ENOX1: variants seen among roughly 807,000 people sequenced by gnomAD.
The protein encoded by ENOX1 is candidate growth-related and time keeping constitutive hydroquinone (NADH) oxidase.
ENOX1 carries 42 observed loss-of-function variants against 82.5 expected under a neutral mutation model. That is an observed-to-expected ratio of 0.51 (90% CI 0.40 to 0.66). The LOEUF (loss-of-function observed/expected upper bound fraction) is 0.66, where lower values mean the gene tolerates loss of function less well. Among genes scored for constraint, ENOX1 ranks in the 30% least tolerant of loss-of-function variants. The probability of loss-of-function intolerance (pLI) is 0.00; values close to 1 mark genes in which losing one functional copy is unlikely to be tolerated. For synonymous variants in ENOX1, 271 were observed against 282.2 expected, an observed-to-expected ratio of 0.96 and a Z score of 0.40; for missense variants, 608 against 811.6, an observed-to-expected ratio of 0.75 and a Z score of 3.05.
intron 5 of ENOX1, among the ~76,000 whole-genome samples, chr13:43,395,834 G>C (rs1287643207): frequency 6.6e-6 from 1 of 152,184 alleles, no homozygotes; most frequent in Admixed American, 6.5e-5. Flanking sequence ...ATGGGCTCAG[G>C]AATAGCAAGA....
In ENOX1 at chr13:43,762,513, G is replaced by A. The variant is rs530880717; in HGVS notation, c.-285+24139C>T. Among the ~76,000 whole-genome samples the A allele has an allele frequency of 7.9e-5, 12 of 152,256 alleles. No homozygotes were observed. The South Asian group carries it at 1.9e-3, about 24-fold the overall frequency. ...ATTGTCCCTCTATGTCTTTTAAGTG[G>A]TAGTACTAGTAAGCATTGCACTAAT... is the stretch of plus-strand genomic sequence containing the variant. On this transcript the variant is annotated intron_variant, in intron 1 of 16. Coordinates refer to ENST00000690772, the MANE Select transcript of ENOX1 (RefSeq NM_001347969.2).
intron 11 of ENOX1, among the ~76,000 whole-genome samples, chr13:43,316,051 T>C (rs375432617): frequency 2.0e-4 from 30 of 152,252 alleles, no homozygotes; most frequent in Non-Finnish European, 2.5e-4. Flanking sequence ...TTTGTGAAGA[T>C]TGGTTGCTCA....
chr13:43,481,849 G>T (rs1354144638), intron 3 of ENOX1, among the ~76,000 whole-genome samples: 2 of 152,064 alleles, frequency 1.3e-5, no homozygotes, highest in Non-Finnish European at 2.9e-5. Flanking sequence ...AATGGGCAAA[G>T]GACTTGAATA....
In ENOX1 at chr13:43,562,324, T is replaced by G. The variant is rs922725849; in HGVS notation, c.-218-78172A>C. ...GTAAGTTGTCATCAATTTAAAATAA[T>G]GGGTTATAAGATATTTACAAGCCAC... On this transcript the variant is annotated intron_variant, in intron 2 of 16. Transcript: ENST00000690772. Among the ~76,000 whole-genome samples the G allele has an allele frequency of 5.9e-5, 9 of 152,102 alleles. 1 individual carries two copies. Among genetic ancestry groups the G allele is most frequent in the Admixed American group, 2.6e-4 (4 of 15,254 alleles).
At chr13:43,728,374 C>A (rs765088851) in intron 1 of ENOX1, among the ~76,000 whole-genome samples, 6 of 152,138 alleles carry the variant, frequency 3.9e-5, no homozygotes, top group Admixed American at 6.5e-5. Context: ...GGAGAAAAAA[C>A]CATTTATTTC....
intron 3 of ENOX1, among the ~76,000 whole-genome samples, chr13:43,432,219 A>C (rs996268569): frequency 2.6e-5 from 4 of 152,174 alleles, no homozygotes; most frequent in Non-Finnish European, 5.9e-5. Flanking sequence ...TGGCCTTACC[A>C]CACCCTATAA....
chr13:43,452,023 A>G (rs970551345), intron 3 of ENOX1, among the ~76,000 whole-genome samples: 1 of 152,242 alleles, frequency 6.6e-6, no homozygotes, highest in Non-Finnish European at 1.5e-5. Context: ...ACAGTTGAGT[A>G]GAGACCTGAA....
At chr13:43,428,935 C>T (rs1227118160) in intron 3 of ENOX1, among the ~76,000 whole-genome samples, 1 of 152,212 alleles carries the variant, frequency 6.6e-6, no homozygotes, top group Non-Finnish European at 1.5e-5. Context: ...TCATGTGGGA[C>T]ACTGAAATCA....
chr13:43,704,466 GA>G (rs1003713176), intron 1 of ENOX1, among the ~76,000 whole-genome samples: 2 of 149,630 alleles, frequency 1.3e-5, no homozygotes, highest in African/African-American at 4.9e-5. Context: ...ACCTTTGAAA[GA>G]AAAAAAAACA....
chr13:43,227,469 A>G (rs544824764), intron 15 of ENOX1, among the ~76,000 whole-genome samples: 11 of 152,346 alleles, frequency 7.2e-5, no homozygotes, highest in African/African-American at 2.6e-4. Context: ...ATAAATGGGA[A>G]TAAATAAGAA....
At chr13:43,321,447 A>C (rs1171506371) in intron 11 of ENOX1, among the ~76,000 whole-genome samples, 1 of 152,192 alleles carries the variant, frequency 6.6e-6, no homozygotes, top group Non-Finnish European at 1.5e-5. Context: ...TCTCTTCTAC[A>C]GCCCTGGAGA....
intron 2 of ENOX1, among the ~76,000 whole-genome samples, chr13:43,493,830 C>T (rs1460404221): frequency 6.6e-6 from 1 of 152,166 alleles, no homozygotes; most frequent in Non-Finnish European, 1.5e-5. Context: ...AGTCTATTCT[C>T]ACGCTGCTAC....
chr13:43,596,138 A>T (rs1308429698), intron 2 of ENOX1, among the ~76,000 whole-genome samples: 2 of 152,206 alleles, frequency 1.3e-5, no homozygotes, highest in African/African-American at 4.8e-5. Context: ...GCTAAAGATT[A>T]AAAAAATGAC....
At chr13:43,630,655 TA>T (rs11356628) in intron 2 of ENOX1, among the ~76,000 whole-genome samples, 5,557 of 135,212 alleles carry the variant, frequency 0.041, 302 homozygotes, top group African/African-American at 0.13. Flanking sequence ...CTTCTCAAAC[TA>T]AAAAAAAAAA....
intron 14 of ENOX1, among the ~76,000 whole-genome samples, chr13:43,254,368 T>C (rs1341151125): frequency 6.6e-6 from 1 of 152,194 alleles, no homozygotes; most frequent in African/African-American, 2.4e-5. Flanking sequence ...TGAGGCTATT[T>C]CCTCTCCTGT....
intron 1 of ENOX1, among the ~76,000 whole-genome samples, chr13:43,732,821 G>C (rs1225627416): frequency 6.6e-6 from 1 of 152,118 alleles, no homozygotes; most frequent in Non-Finnish European, 1.5e-5. Context: ...ATTTTCTCTG[G>C]CCTTTCATTC....
intron 14 of ENOX1, among the ~76,000 whole-genome samples, chr13:43,241,102 A>G (rs1321645457): frequency 6.6e-6 from 1 of 152,132 alleles, no homozygotes; most frequent in Non-Finnish European, 1.5e-5. Flanking sequence ...CTTTTTAGTA[A>G]TTGGGGAACA....
intron 1 of ENOX1, among the ~76,000 whole-genome samples, chr13:43,712,281 ATCTCTGTTTTGGTACCAG>A (rs2087777991): frequency 6.7e-6 from 1 of 149,148 alleles, no homozygotes; most frequent in Non-Finnish European, 1.5e-5. Flanking sequence ...ATTGATCTAT[ATCTCTGTTTTGGTACCAG>A]TACCATGCTG....
intron 2 of ENOX1, among the ~76,000 whole-genome samples, chr13:43,521,011 C>T (rs1431540052): frequency 2.0e-5 from 3 of 152,216 alleles, no homozygotes; most frequent in Admixed American, 2.0e-4. Flanking sequence ...GTACACTATG[C>T]AGGAAACAAT....
Sources: allele counts gnomAD v4.1 joint callset (sites outside exome capture counted in the v4.1 genomes callset), GRCh38; gene constraint gnomAD v4.1.1; transcripts MANE v1.5; gene names NCBI Gene and HGNC (gene_info 2026-07-23, HGNC 2026-07-21).